The following C8orf34 variants were observed in gnomAD, a reference collection of about 807,000 sequenced individuals.
C8orf34 encodes the protein chromosome 8 open reading frame 34.
A neutral mutation model predicts 68.3 loss-of-function variants in C8orf34; 65 were observed. That is an observed-to-expected ratio of 0.95 (90% CI 0.78 to 1.17). The LOEUF is 1.17. Ranked by LOEUF, C8orf34 falls within the 50% of genes most tolerant of loss-of-function variation. The probability of loss-of-function intolerance (pLI) is 0.00; values close to 1 mark genes in which losing one functional copy is unlikely to be tolerated. For missense variants in C8orf34, 664 were observed against 655.4 expected (o/e 1.01, Z -0.14); for synonymous variants, 244 against 241.2 (o/e 1.01, Z -0.11).
intron 1 of C8orf34, among the ~76,000 whole-genome samples, chr8:68,387,625 G>A (rs1237670804): frequency 6.6e-6 from 1 of 152,088 alleles, no homozygotes; most frequent in Non-Finnish European, 1.5e-5. Flanking sequence ...AATGGATGGA[G>A]ATTTACCATA....
At position 68,725,040 on chromosome 8, in the gene C8orf34, A is replaced by AT. The variant is rs1490047193; in HGVS notation, c.1404+3610dup. Among the ~76,000 whole-genome samples the AT allele has an allele frequency of 3.3e-5, 5 of 150,816 alleles. No homozygotes were observed. In the South Asian group the frequency reaches 1.0e-3, roughly 32 times the overall value. Reference sequence around the variant, plus strand: ...GCACCAACACACCTGGCAAAATTTTATTTTTTTGTAGAGACAGAATCTAGC... The same window carrying AT: ...GCACCAACACACCTGGCAAAATTTTATTTTTTTTGTAGAGACAGAATCTAGC... On this transcript the variant is annotated intron_variant, in intron 10 of 13. Coordinates refer to ENST00000518698, the MANE Select transcript of C8orf34 (RefSeq NM_052958.4).
chr8:68,701,874 C>T (rs959812360), intron 8 of C8orf34, among the ~76,000 whole-genome samples: 10 of 151,820 alleles, frequency 6.6e-5, no homozygotes, highest in African/African-American at 1.9e-4. Flanking sequence ...TTTGCTATTC[C>T]CACTCCCTGT....
At chr8:68,565,308 CT>C (rs1816553220) in intron 7 of C8orf34, among the ~76,000 whole-genome samples, 1 of 152,268 alleles carries the variant, frequency 6.6e-6, no homozygotes, top group East Asian at 1.9e-4. Flanking sequence ...TTAGATCACA[CT>C]TGGTTAACTT....
intron 7 of C8orf34, among the ~76,000 whole-genome samples, chr8:68,554,707 A>AT (rs72026804): frequency 0.2 from 30,999 of 151,940 alleles, 4,215 homozygotes; most frequent in African/African-American, 0.39. Flanking sequence ...TATCACTCCC[A>AT]TTTAAAGACA....
rs543633337 is a variant in C8orf34, at chr8:68,419,433, A to T, written c.328-20066A>T. Among the ~76,000 whole-genome samples, 24 of 150,622 alleles carry T rather than the reference A, an allele frequency of 1.6e-4. No homozygotes were observed. In the South Asian group the frequency reaches 5.0e-3, roughly 32 times the overall value. On this transcript the variant is annotated intron_variant, in intron 1 of 13. Coordinates refer to ENST00000518698, the MANE Select transcript of C8orf34 (RefSeq NM_052958.4). ...AAGTCAGTGTGGTGATTCCTCAGGGATCTAGAACTAGAAATACCATTTGAC... is the reference window on the plus strand; with the variant it reads ...AAGTCAGTGTGGTGATTCCTCAGGGTTCTAGAACTAGAAATACCATTTGAC...
chr8:68,702,312 A>G (rs2130938691), intron 8 of C8orf34, among the ~76,000 whole-genome samples: 1 of 152,222 alleles, frequency 6.6e-6, no homozygotes, highest in Admixed American at 6.6e-5. Context: ...CAATCCAAAG[A>G]TGAATATTAT....
chr8:68,759,762 T>C (rs1822972760), intron 10 of C8orf34, among the ~76,000 whole-genome samples: 1 of 152,232 alleles, frequency 6.6e-6, no homozygotes, highest in South Asian at 2.1e-4. Context: ...TTGAATGGAT[T>C]GATGGATAAA....
chr8:68,625,338 C>T, intron 7 of C8orf34: 2 of 412,094 alleles, frequency 4.9e-6, no homozygotes, highest in Non-Finnish European at 8.6e-6. Flanking sequence ...CTCTTATCAC[C>T]AAATACTCAC....
intron 9 of C8orf34, among the ~76,000 whole-genome samples, chr8:68,715,644 A>G (rs1030790003): frequency 2.0e-5 from 3 of 147,914 alleles, no homozygotes; most frequent in Admixed American, 1.4e-4. Flanking sequence ...TTATTTTTTT[A>G]CTATAAAAAA....
intron 4 of C8orf34, among the ~76,000 whole-genome samples, chr8:68,477,662 G>A (rs1812679586): frequency 6.6e-6 from 1 of 152,234 alleles, no homozygotes; most frequent in Non-Finnish European, 1.5e-5. Context: ...CCTTTGCACT[G>A]CCCTAGCATA....
chr8:68,783,377 G>A (rs1161491371), intron 11 of C8orf34, among the ~76,000 whole-genome samples: 1 of 152,072 alleles, frequency 6.6e-6, no homozygotes, highest in Non-Finnish European at 1.5e-5. Context: ...AATTATCTGA[G>A]CATGGAGGCG....
At chr8:68,688,495 C>G (rs536893713) in intron 8 of C8orf34, among the ~76,000 whole-genome samples, 23 of 152,032 alleles carry the variant, frequency 1.5e-4, no homozygotes, top group Non-Finnish European at 2.6e-4. Flanking sequence ...GAATATAAAT[C>G]AGTATGTTAT....
At chr8:68,795,866 T>C (rs889771819) in intron 12 of C8orf34, among the ~76,000 whole-genome samples, 27 of 152,344 alleles carry the variant, frequency 1.8e-4, no homozygotes, top group African/African-American at 6.5e-4. Context: ...CTTAGACAGC[T>C]GTGATGTAAC....
chr8:68,800,079 G>A (rs1453220788), intron 12 of C8orf34, among the ~76,000 whole-genome samples: 2 of 152,148 alleles, frequency 1.3e-5, no homozygotes, highest in South Asian at 2.1e-4. Flanking sequence ...TAAGTCATGA[G>A]AAGAGCAGAG....
chr8:68,453,018 A>C (rs1321353925), intron 3 of C8orf34, among the ~76,000 whole-genome samples: 1 of 151,940 alleles, frequency 6.6e-6, no homozygotes, highest in East Asian at 1.9e-4. Flanking sequence ...TTTTTTGAAA[A>C]TACTATTCTT....
chr8:68,786,582 G>A (rs927393317), intron 11 of C8orf34, among the ~76,000 whole-genome samples: 1 of 152,204 alleles, frequency 6.6e-6, no homozygotes, highest in African/African-American at 2.4e-5. Context: ...AGCCTTGGAA[G>A]AGGAGTGTTA....
At chr8:68,331,517 C>T (rs1366345993) in intron 1 of C8orf34, 178 bp downstream of exon 1, 2 of 719,290 alleles carry the variant, frequency 2.8e-6, no homozygotes, top group Non-Finnish European at 4.7e-6. Flanking sequence ...TGTCCTGGAA[C>T]GCGGCCGGGC....
chr8:68,383,025 G>C (rs1370848561), intron 1 of C8orf34, among the ~76,000 whole-genome samples: 1 of 152,080 alleles, frequency 6.6e-6, no homozygotes, highest in Non-Finnish European at 1.5e-5. Flanking sequence ...TTTTGGCCTA[G>C]ACATTGAGTC....
intron 7 of C8orf34, among the ~76,000 whole-genome samples, chr8:68,626,629 A>G (rs1818544685): frequency 6.6e-6 from 1 of 152,208 alleles, no homozygotes; most frequent in South Asian, 2.1e-4. Flanking sequence ...CAACTATGAT[A>G]CAAGGTTCGA....
Sources: gnomAD v4.1 joint callset for allele counts (sites outside exome capture counted in the v4.1 genomes callset) on GRCh38, gnomAD v4.1.1 for gene constraint, MANE v1.5 for transcripts, NCBI Gene and HGNC (gene_info 2026-07-23, HGNC 2026-07-21) for gene names.